The following STX12 variants were observed in gnomAD, a reference collection of about 807,000 sequenced individuals.
The protein encoded by STX12 is syntaxin-12.
STX12 carries 17 observed loss-of-function variants against 42.2 expected under a neutral mutation model. The ratio of observed to expected loss-of-function variants is 0.40; its 90% confidence interval spans 0.28 to 0.60. The LOEUF is 0.60. STX12 is among the 20% of genes least tolerant of loss of function. The pLI is 0.39. For missense variants in STX12, 297 were observed against 330.9 expected (o/e 0.90, Z 0.79); for synonymous variants, 108 against 116.7 (o/e 0.93, Z 0.48).
intron 4 of STX12, 175 bp downstream of exon 4, chr1:27,801,990 G>A (rs1366740724): frequency 1.8e-5 from 10 of 544,490 alleles, no homozygotes; most frequent in Non-Finnish European, 3.0e-5. Context: ...GCCTAGAAAG[G>A]AATCTGAATG....
At chr1:27,790,893 A>G (rs2088735884) in intron 2 of STX12, among the ~76,000 whole-genome samples, 1 of 152,124 alleles carries the variant, frequency 6.6e-6, no homozygotes. Flanking sequence ...GTGAGCCAAG[A>G]TCGCACCATT....
At chr1:27,812,821 TCAC>T (rs2088913323) in intron 6 of STX12, among the ~76,000 whole-genome samples, 1 of 152,290 alleles carries the variant, frequency 6.6e-6, no homozygotes, top group East Asian at 1.9e-4. Flanking sequence ...CTTATACGGA[TCAC>T]CACATCTTAT....
chr1:27,812,434 G>GTT (rs201898521), intron 6 of STX12, among the ~76,000 whole-genome samples, 166 bp downstream of exon 6: 1 of 137,048 alleles, frequency 7.3e-6, no homozygotes, highest in East Asian at 2.1e-4. Context: ...TGAACTACCG[G>GTT]TTTTTTTTGT....
intron 1 of STX12, among the ~76,000 whole-genome samples, chr1:27,775,446 A>AT (rs749723342): frequency 4.7e-4 from 72 of 152,084 alleles, no homozygotes; most frequent in Non-Finnish European, 1.2e-4. Context: ...TAATTTTTAT[A>AT]TTTTTTGTAG....
intron 2 of STX12, among the ~76,000 whole-genome samples, chr1:27,792,495 C>T (rs2088756363): frequency 6.6e-6 from 1 of 151,394 alleles, no homozygotes. Flanking sequence ...GATGTTCAAG[C>T]CACTGATTGG....
chr1:27,780,778 C>G (rs2088662942), intron 1 of STX12, among the ~76,000 whole-genome samples: 1 of 151,854 alleles, frequency 6.6e-6, no homozygotes, highest in Non-Finnish European at 1.5e-5. Flanking sequence ...TTGGCGAAAC[C>G]CTGGCTCTAC....
chr1:27,817,215 C>G (rs906686659), intron 6 of STX12, among the ~76,000 whole-genome samples: 1 of 152,180 alleles, frequency 6.6e-6, no homozygotes, highest in Non-Finnish European at 1.5e-5. Flanking sequence ...GCCCACTGAG[C>G]TGATTTGTGT....
intron 6 of STX12, among the ~76,000 whole-genome samples, chr1:27,814,118 C>A (rs970981683): frequency 2.6e-5 from 4 of 152,112 alleles, no homozygotes; most frequent in Non-Finnish European, 5.9e-5. Flanking sequence ...CCAGGCTGGT[C>A]TTGTCTGTTT....
At chr1:27,794,881 G>A (rs780097032) in intron 3 of STX12, among the ~76,000 whole-genome samples, 28 of 151,988 alleles carry the variant, frequency 1.8e-4, no homozygotes, top group Non-Finnish European at 3.5e-4. Context: ...ACCACCACAC[G>A]CAGCTAAATT....
chr1:27,773,405 T>C lies in STX12; in HGVS notation c.98T>C (p.Ile33Thr). 1 of 1,613,302 alleles carries C rather than the reference T, an allele frequency of 6.2e-7. No individual in the cohort carries two copies. The highest frequency in any genetic ancestry group is 1.1e-5 in the South Asian group (1 of 91,072). Residue 33 changes from isoleucine (I) to threonine (T), a missense_variant, in exon 1 of 9, where the codon ATC (isoleucine) becomes ACC (threonine). By Grantham distance (89) the Ile-to-Thr change is moderately conservative. Coordinates refer to ENST00000373943, the MANE Select transcript of STX12 (RefSeq NM_177424.3). ...ATCATCCAGACGTGCAGCGGCAACA[T>C]CCAGCGGATCAGCCAAGCCAGTGAG... ...SSIIQTCSGN[I>T]QRISQATAQI...
chr1:27,819,531 T>C (rs2088968700), intron 7 of STX12, 119 bp from the exon 8 acceptor site: 5 of 767,814 alleles, frequency 6.5e-6, no homozygotes, highest in Non-Finnish European at 8.3e-6. Context: ...CTCGATTTCA[T>C]GGCTGGATAG....
Position 27,778,276 on chromosome 1 carries a change from G to A in STX12, c.118+4851G>A, listed in dbSNP as rs576198065. Reference sequence around the variant, plus strand: ...TGGTACAAGTGGTGATTATCAGTATGTGTTGGGTACAGAAGAAAAATATTT... The same window carrying A: ...TGGTACAAGTGGTGATTATCAGTATATGTTGGGTACAGAAGAAAAATATTT... On this transcript the variant is annotated intron_variant, in intron 1 of 8. Coordinates refer to ENST00000373943, the MANE Select transcript of STX12 (RefSeq NM_177424.3). Among the ~76,000 whole-genome samples, 5 of 152,326 alleles carry A rather than the reference G, an allele frequency of 3.3e-5. No homozygotes were observed. The South Asian group carries it at 1.0e-3, about 32-fold the overall frequency.
chr1:27,811,938 C>G (rs1266568535), intron 5 of STX12: 2 of 616,020 alleles, frequency 3.2e-6, no homozygotes, highest in African/African-American at 3.7e-5. Flanking sequence ...ATAATTCTGC[C>G]ACATGTCAGC....
intron 1 of STX12, among the ~76,000 whole-genome samples, chr1:27,775,426 C>T (rs535631671): frequency 6.6e-6 from 1 of 152,240 alleles, no homozygotes; most frequent in Admixed American, 6.5e-5. Context: ...TGTGCACCAC[C>T]ACGCCCGGCT....
chr1:27,777,443 T>A (rs1402843767), intron 1 of STX12, among the ~76,000 whole-genome samples: 1 of 152,192 alleles, frequency 6.6e-6, no homozygotes, highest in Non-Finnish European at 1.5e-5. Context: ...TAACCAGGGA[T>A]CACATTATAT....
intron 8 of STX12, among the ~76,000 whole-genome samples, chr1:27,821,914 A>C (rs1488852061): frequency 6.6e-6 from 1 of 152,292 alleles, no homozygotes; most frequent in African/African-American, 2.4e-5. Flanking sequence ...GCTGCTCAGG[A>C]GGCTGAGACA....
At chr1:27,799,705 A>G (rs114401293) in intron 3 of STX12, among the ~76,000 whole-genome samples, 18,285 of 151,736 alleles carry the variant, frequency 0.12, 3,672 homozygotes, top group African/African-American at 0.42. Context: ...GATGGTCTCC[A>G]TCTCCTGGCC....
At chr1:27,821,895 G>A (rs1038448436) in intron 8 of STX12, among the ~76,000 whole-genome samples, 12 of 152,128 alleles carry the variant, frequency 7.9e-5, no homozygotes, top group Non-Finnish European at 1.8e-4. Flanking sequence ...GCACACGCCT[G>A]TAATTCCAGC....
rs191583564 is a variant in STX12 at position 27,795,117 on chromosome 1, T to C, written c.288+1485T>C. Among the ~76,000 whole-genome samples the C allele has an allele frequency of 3.3e-3, 502 of 152,294 alleles. 4 individuals carry two copies. The highest frequency in any genetic ancestry group is 0.011 in the African/African-American group (474 of 41,552). ...GCCTTTCAACTTCCCTGTCGTGGGT[T>C]GTTTTTCAAAGTATGGGTTGTGGCT... On this transcript the variant is annotated intron_variant, in intron 3 of 8. Transcript: ENST00000373943.
Sources: allele counts gnomAD v4.1 joint callset (sites outside exome capture counted in the v4.1 genomes callset), GRCh38; gene constraint gnomAD v4.1.1; transcripts MANE v1.5; gene names NCBI Gene and HGNC (gene_info 2026-07-23, HGNC 2026-07-21).